The following SUPT5H variants were observed in gnomAD, a reference collection of about 807,000 sequenced individuals.
The protein encoded by SUPT5H is transcription elongation factor SPT5.
A neutral mutation model predicts 142.5 loss-of-function variants in SUPT5H; 24 were observed. The observed-to-expected ratio is 0.17, with a 90% CI of 0.12 to 0.24. The LOEUF (loss-of-function observed/expected upper bound fraction) is 0.24, where lower values mean the gene tolerates loss of function less well. Among genes scored for constraint, SUPT5H ranks in the 10% least tolerant of loss-of-function variants. The probability of loss-of-function intolerance (pLI) is 1.00; values close to 1 mark genes in which losing one functional copy is unlikely to be tolerated. For missense variants in SUPT5H, 893 were observed against 1,471.8 expected (o/e 0.61, Z 6.43); for synonymous variants, 546 against 553.0 (o/e 0.99, Z 0.18).
intron 10 of SUPT5H, among the ~76,000 whole-genome samples, chr19:39,464,135 C>CA (rs2079203318): frequency 6.6e-6 from 1 of 151,956 alleles, no homozygotes; most frequent in African/African-American, 2.4e-5. Flanking sequence ...AGGCATGTGC[C>CA]ACCACACCCG....
chr19:39,466,484 A>G lies in SUPT5H; in HGVS notation c.881A>G (p.Asp294Gly). ...CCTTCTGCTCGCCCTGCTCAGGTGG[A>G]CTACGTGGAGCCCAGCCAGAACACC... The part of the protein sequence containing the change: ...GIYKDDIAQV[D>G]YVEPSQNTIS... The change falls in exon 12 of 30, where the codon GAC becomes GGC. Residue 294 changes from aspartate (D) to glycine (G), a missense_variant. Physicochemically the swap from Asp to Gly is moderately conservative, Grantham distance 94. This residue lies in a region of SUPT5H where 428 missense variants were observed against 763.5 expected (regional missense o/e 0.56). Transcript: ENST00000432763. The surrounding 1 kb of genome is among the most constrained non-coding windows in gnomAD (Gnocchi z 4.3). 6.2e-7 allele frequency: 1 copy of G among 1,613,778 alleles called. No individual in the cohort carries two copies. The highest frequency in any genetic ancestry group is 8.5e-7 in the Non-Finnish European group (1 of 1,179,996).
At chr19:39,463,275 T>A (rs1318282063) in intron 10 of SUPT5H, among the ~76,000 whole-genome samples, 1 of 152,162 alleles carries the variant, frequency 6.6e-6, no homozygotes, top group African/African-American at 2.4e-5. Flanking sequence ...GTGCTGGGAT[T>A]ACAGGCATGA....
In SUPT5H at chr19:39,470,232, G is replaced by C. The variant is rs1261865777; in HGVS notation, c.1488G>C (p.Glu496Asp). 2 of 1,597,460 alleles carry C rather than the reference G, an allele frequency of 1.3e-6. No individual in the cohort carries two copies. The highest frequency in any genetic ancestry group is 3.4e-5 in the Admixed American group (2 of 59,098). Residue 496 changes from glutamate to aspartate, a missense_variant, in exon 17 of 30, where the codon GAG becomes GAC. Coordinates refer to ENST00000432763, the MANE Select transcript of SUPT5H (RefSeq NM_001111020.3). This position sits in a 1 kb window ranked among gnomAD's most constrained non-coding sequence, Gnocchi z 5.8. ...ACACAGGCCTCATTGTGCGGGTGGAGGAGAATTTCGTTATCCTGTTCTCTG... is the reference window on the plus strand; with the variant it reads ...ACACAGGCCTCATTGTGCGGGTGGACGAGAATTTCGTTATCCTGTTCTCTG... Reference protein sequence around the residue: ...EGDTGLIVRVEENFVILFSDL... With the variant: ...EGDTGLIVRVDENFVILFSDL...
At position 39,466,638 on chromosome 19, in the gene SUPT5H, C is replaced by G; in HGVS notation, c.967-37C>G. ...GATCCCACTGGTGGCCAAGCCCCCT[C>G]CCTCACCCTTCCCACCCATGCCCCT... On this transcript the variant is annotated intron_variant, in intron 12 of 29. Coordinates refer to ENST00000432763, the MANE Select transcript of SUPT5H (RefSeq NM_001111020.3). This position sits in a 1 kb window ranked among gnomAD's most constrained non-coding sequence, Gnocchi z 4.3. 3.1e-6 allele frequency: 5 copies of G among 1,613,326 alleles called. No homozygotes were observed. The highest frequency in any genetic ancestry group is 4.2e-6 in the Non-Finnish European group (5 of 1,179,250).
intron 4 of SUPT5H, 50 bp downstream of exon 4, chr19:39,457,790 G>A: frequency 1.2e-6 from 2 of 1,613,492 alleles, no homozygotes; most frequent in Non-Finnish European, 8.5e-7. Flanking sequence ...GGGTGGCTGA[G>A]AGGGTCTTCA....
At chr19:39,461,050 G>A (rs986744023) in intron 10 of SUPT5H, among the ~76,000 whole-genome samples, 4 of 151,902 alleles carry the variant, frequency 2.6e-5, no homozygotes, top group East Asian at 1.9e-4. Context: ...GCTGAGGTGG[G>A]TGGATCACGA....
At chr19:39,453,570 T>G in intron 3 of SUPT5H, 49 bp downstream of exon 3, 1 of 1,442,070 alleles carries the variant, frequency 6.9e-7, no homozygotes, top group Non-Finnish European at 9.2e-7. Context: ...AGCTTCTACT[T>G]TTAGTTCCAT....
At chr19:39,457,138 G>C (rs554188409) in intron 3 of SUPT5H, among the ~76,000 whole-genome samples, 1 of 152,348 alleles carries the variant, frequency 6.6e-6, no homozygotes, top group East Asian at 1.9e-4. Context: ...AGCTGAGTCT[G>C]TGGGCAAGTT....
In SUPT5H at chr19:39,472,848, G is replaced by A; in HGVS notation, c.2074G>A (p.Gly692Ser). 2 of 1,613,742 alleles carry A rather than the reference G, an allele frequency of 1.2e-6. No homozygotes were observed. Among genetic ancestry groups the A allele is most frequent in the Non-Finnish European group, 1.7e-6 (2 of 1,179,820 alleles). Residue 692 changes from glycine (G) to serine (S), a missense_variant, in exon 22 of 30, where the codon GGT becomes AGT. Coordinates refer to ENST00000432763, the MANE Select transcript of SUPT5H (RefSeq NM_001111020.3). This position sits in a 1 kb window ranked among gnomAD's most constrained non-coding sequence, Gnocchi z 4.2. ...CTTTGGTAGCCCAGGTGGCGGCAGT[G>A]GTGGCATGAGCAGGGGCCGGGGCCG... is the stretch of plus-strand genomic sequence containing the variant. ...GGFGSPGGGS[G>S]GMSRGRGRRD...
chr19:39,451,600 C>T (rs543030536), intron 2 of SUPT5H, among the ~76,000 whole-genome samples: 28 of 152,216 alleles, frequency 1.8e-4, no homozygotes, highest in African/African-American at 4.6e-4. Context: ...GGTACAATCT[C>T]GGCTGAGTGC....
chr19:39,458,959 T>C lies in SUPT5H; in HGVS notation c.390-46T>C, dbSNP rs1449437439. The stretch of plus-strand genomic sequence containing the variant: ...TTTGGGAGTAGGTCAGCCCACCTGC[T>C]GTCCTCAACCTTCAATTCGTGTTTG... On this transcript the variant is annotated intron_variant, in intron 6 of 29. Coordinates refer to ENST00000432763, the MANE Select transcript of SUPT5H (RefSeq NM_001111020.3). The surrounding 1 kb of genome is among the most constrained non-coding windows in gnomAD (Gnocchi z 4.2). 3 of 1,614,104 alleles carry C rather than the reference T, an allele frequency of 1.9e-6. No individual in the cohort carries two copies. The South Asian group carries it at 3.3e-5, about 18-fold the overall frequency.
intron 28 of SUPT5H, chr19:39,475,849 C>G: frequency 1.8e-6 from 1 of 564,700 alleles, no homozygotes; most frequent in Non-Finnish European, 3.2e-6. Flanking sequence ...AAGCAGTCTC[C>G]TTTTTGCCTG....
At position 39,474,174 on chromosome 19, in the gene SUPT5H, C is replaced by T; in HGVS notation, c.2651+53C>T. ...TACCCCTGCCCAAACCCTCCTACTG[C>T]CACCACCTCTTTTCCCCTCCCTCCT... On this transcript the variant is annotated intron_variant, in intron 26 of 29. Transcript: ENST00000432763. The surrounding 1 kb of genome is among the most constrained non-coding windows in gnomAD (Gnocchi z 6.5). The T allele has an allele frequency of 2.5e-6, 4 of 1,610,974 alleles. No homozygotes were observed. Among genetic ancestry groups the T allele is most frequent in the Non-Finnish European group, 3.4e-6 (4 of 1,178,410 alleles).
In SUPT5H at chr19:39,473,969, G is replaced by C. The variant is rs367892448; in HGVS notation, c.2499G>C (p.Glu833Asp). 1.2e-6 allele frequency: 2 copies of C among 1,613,760 alleles called. No homozygotes were observed. Among genetic ancestry groups the C allele is most frequent in the African/African-American group, 2.7e-5 (2 of 74,882 alleles). The change falls in exon 26 of 30, where the codon GAG becomes GAC. Residue 833 changes from glutamate to aspartate, a missense_variant. By Grantham distance (45) the Glu-to-Asp change is conservative. This residue lies in a region of SUPT5H where 336 missense variants were observed against 546.5 expected (regional missense o/e 0.61). Coordinates refer to ENST00000432763, the MANE Select transcript of SUPT5H (RefSeq NM_001111020.3). This position sits in a 1 kb window ranked among gnomAD's most constrained non-coding sequence, Gnocchi z 5.8. ...CAGACTTTTCTCCCAACAGGGCTGA[G>C]GAAGAATATGAGTATGCTTTCGATG... ...PNNPNTPSRAEEEYEYAFDDE... is the reference protein window; with the variant it reads ...PNNPNTPSRADEEYEYAFDDE...
chr19:39,453,412 C>CGAAGAGGAGGAG lies in SUPT5H; in HGVS notation c.148_159dup (p.Glu50_Glu53dup). ...GTGAGAAAGAAGAAGAGCCTGAGGA[C>CGAAGAGGAGGAG]GAAGAGGAGGAGGAAGAGGAGGAGG... On this transcript the variant is annotated inframe_insertion, in exon 3 of 30. Coordinates refer to ENST00000432763, the MANE Select transcript of SUPT5H (RefSeq NM_001111020.3). 1 of 1,590,928 alleles carries CGAAGAGGAGGAG rather than the reference C, an allele frequency of 6.3e-7. No homozygotes were observed. The highest frequency in any genetic ancestry group is 8.6e-7 in the Non-Finnish European group (1 of 1,168,248).
intron 3 of SUPT5H, among the ~76,000 whole-genome samples, chr19:39,456,584 A>AT (rs2079093705): frequency 6.6e-6 from 1 of 151,008 alleles, no homozygotes; most frequent in Admixed American, 6.6e-5. Context: ...TACCTGACTA[A>AT]TTTTTTGTAT....
intron 2 of SUPT5H, among the ~76,000 whole-genome samples, chr19:39,452,014 A>T (rs2079028375): frequency 6.6e-6 from 1 of 152,276 alleles, no homozygotes; most frequent in South Asian, 2.1e-4. Context: ...AGGCTGGGGT[A>T]AGGATCCAGG....
intron 2 of SUPT5H, 96 bp downstream of exon 2, chr19:39,446,061 T>C: frequency 2.3e-6 from 3 of 1,311,184 alleles, no homozygotes; most frequent in Non-Finnish European, 3.2e-6. Flanking sequence ...CACAGCGGGC[T>C]CTGGCTTCTG....
chr19:39,465,056 G>A lies in SUPT5H; in HGVS notation c.876+7G>A, dbSNP rs181164356. ...CAAGGATGACATTGCTCAGGTGCCC[G>A]GGGCGGGGTGGCATGGGGGTCAGGG... is the stretch of plus-strand genomic sequence containing the variant. On this transcript the variant is annotated splice_region_variant and intron_variant, in intron 11 of 29. Transcript: ENST00000432763. 5.4e-3 allele frequency: 8,758 copies of A among 1,607,882 alleles called. 33 individuals carry two copies. Among genetic ancestry groups the A allele is most frequent in the Non-Finnish European group, 6.9e-3 (8,056 of 1,175,364 alleles).
Sources: allele counts gnomAD v4.1 joint callset (sites outside exome capture counted in the v4.1 genomes callset), GRCh38; gene constraint gnomAD v4.1.1; regional missense constraint gnomAD v4.1.1; non-coding constraint Gnocchi (gnomAD v3.1); transcripts MANE v1.5; gene names NCBI Gene and HGNC (gene_info 2026-07-23, HGNC 2026-07-21).